Variants in GRID2 observed in about 807,000 individuals in gnomAD.
GRID2 encodes the protein glutamate receptor ionotropic, delta-2.
GRID2 carries 33 observed loss-of-function variants against 114.8 expected under a neutral mutation model. The ratio of observed to expected loss-of-function variants is 0.29; its 90% CI spans 0.22 to 0.38. The LOEUF (loss-of-function observed/expected upper bound fraction) is 0.38. Ranked by LOEUF, GRID2 falls within the 10% of genes least tolerant of loss-of-function variation. GRID2 has a pLI of 1.00. For missense variants in GRID2, 1,184 were observed against 1,257.7 expected, an observed-to-expected ratio of 0.94 and a Z score of 0.89; for synonymous variants, 505 against 449.9, an observed-to-expected ratio of 1.12 and a Z score of -1.55.
At chr4:93,075,536 CT>C (rs1729187220) in intron 2 of GRID2, among the ~76,000 whole-genome samples, 1 of 151,980 alleles carries the variant, frequency 6.6e-6, no homozygotes, top group Admixed American at 6.6e-5. Flanking sequence ...GTAAAATTGC[CT>C]TTATTTGCAG....
chr4:92,934,345 T>G (rs1463425046), intron 2 of GRID2, among the ~76,000 whole-genome samples: 4 of 151,724 alleles, frequency 2.6e-5, no homozygotes, highest in African/African-American at 9.7e-5. Context: ...GTTATTGGTG[T>G]ATAAGAATGC....
At chr4:93,468,563 TG>T (rs1024495559) in intron 11 of GRID2, among the ~76,000 whole-genome samples, 2 of 152,082 alleles carry the variant, frequency 1.3e-5, no homozygotes, top group African/African-American at 4.8e-5. Context: ...GATAGATATC[TG>T]GAGGAAAGAT....
chr4:93,229,698 G>T (rs1247113297), intron 7 of GRID2, among the ~76,000 whole-genome samples: 1 of 152,068 alleles, frequency 6.6e-6, no homozygotes, highest in Non-Finnish European at 1.5e-5. Flanking sequence ...AAGAGAACAA[G>T]TTTCTCTCCC....
At chr4:92,910,464 A>G (rs1439950571) in intron 2 of GRID2, among the ~76,000 whole-genome samples, 3 of 152,174 alleles carry the variant, frequency 2.0e-5, no homozygotes, top group South Asian at 2.1e-4. Flanking sequence ...ACATGATTTT[A>G]TTTGATTTAA....
intron 14 of GRID2, among the ~76,000 whole-genome samples, chr4:93,678,838 G>C: frequency 1.3e-5 from 2 of 150,932 alleles, no homozygotes; most frequent in South Asian, 4.2e-4. Flanking sequence ...AAAATGTAAA[G>C]ACCATCGAGA....
At chr4:93,020,254 A>G (rs1723152526) in intron 2 of GRID2, among the ~76,000 whole-genome samples, 1 of 152,184 alleles carries the variant, frequency 6.6e-6, no homozygotes, top group Admixed American at 6.5e-5. Context: ...TGGTCTATGA[A>G]TTTACCAAGG....
rs189221127 is a variant in GRID2, at chr4:92,824,987, A to T, written c.244+234701A>T. Among the ~76,000 whole-genome samples the T allele has an allele frequency of 7.2e-3, 853 of 118,790 alleles. 14 individuals are homozygous for T. The highest frequency in any genetic ancestry group is 0.021 in the African/African-American group (806 of 39,006). 77.9% of individuals were successfully genotyped at this position (118,790 alleles called of 152,430 possible). ...TATTTTTCATATCCACAAATTTCTT[A>T]AAAAAAAGGTATTAACATGTATCCC... On this transcript the variant is annotated intron_variant, in intron 2 of 15. Coordinates refer to ENST00000282020, the MANE Select transcript of GRID2 (RefSeq NM_001510.4).
chr4:92,981,340 C>T (rs1168456035), intron 2 of GRID2, among the ~76,000 whole-genome samples: 1 of 152,004 alleles, frequency 6.6e-6, no homozygotes, highest in Non-Finnish European at 1.5e-5. Flanking sequence ...ATAATAACCA[C>T]TCTGTTCCTT....
intron 1 of GRID2, among the ~76,000 whole-genome samples, chr4:92,411,863 G>A (rs1266763022): frequency 6.6e-6 from 1 of 150,996 alleles, no homozygotes; most frequent in Non-Finnish European, 1.5e-5. Context: ...CCGCCACCAC[G>A]CCCGGCTAAT....
intron 14 of GRID2, among the ~76,000 whole-genome samples, chr4:93,634,469 C>T (rs952617598): frequency 2.6e-5 from 4 of 152,148 alleles, no homozygotes; most frequent in Non-Finnish European, 5.9e-5. Flanking sequence ...ACACTAAACA[C>T]TTGATATGTT....
intron 14 of GRID2, among the ~76,000 whole-genome samples, chr4:93,724,719 C>G (rs11932599): frequency 0.067 from 10,159 of 151,942 alleles, 1,133 homozygotes; most frequent in African/African-American, 0.23. Context: ...TGATGGTGTC[C>G]CCTACTAGTT....
At chr4:93,157,472 A>G (rs1239340721) in intron 4 of GRID2, among the ~76,000 whole-genome samples, 2 of 151,798 alleles carry the variant, frequency 1.3e-5, no homozygotes, top group African/African-American at 2.4e-5. Context: ...ATATGAGAGC[A>G]TGTAACTCAC....
chr4:93,558,438 A>G (rs1321514136), intron 13 of GRID2, among the ~76,000 whole-genome samples: 4 of 152,206 alleles, frequency 2.6e-5, no homozygotes, highest in Non-Finnish European at 4.4e-5. Context: ...ACAAACTACC[A>G]TCAGAGAATA....
Position 92,565,088 on chromosome 4 carries a change from A to C in GRID2, c.89-25043A>C, listed in dbSNP as rs558734197. Among the ~76,000 whole-genome samples, 232 of 152,128 alleles carry C rather than the reference A, an allele frequency of 1.5e-3. 1 individual carries two copies. Among genetic ancestry groups the C allele is most frequent in the African/African-American group, 5.2e-3 (216 of 41,556 alleles). Reference sequence around the variant, plus strand: ...GCATACAGTTTTGGCAAGTCACCTCACTTGGGTACTAATTACTTCTGGGTA... The same window carrying C: ...GCATACAGTTTTGGCAAGTCACCTCCCTTGGGTACTAATTACTTCTGGGTA... On this transcript the variant is annotated intron_variant, in intron 1 of 15. Transcript: ENST00000282020.
intron 2 of GRID2, among the ~76,000 whole-genome samples, chr4:92,640,991 AAAG>A (rs1560505140): frequency 2.6e-5 from 4 of 151,934 alleles, no homozygotes; most frequent in South Asian, 2.1e-4. Flanking sequence ...AATAGGAAGA[AAAG>A]AAGGAAGGAA....
chr4:93,093,563 A>G (rs1251304195), intron 3 of GRID2, among the ~76,000 whole-genome samples: 1 of 152,060 alleles, frequency 6.6e-6, no homozygotes, highest in African/African-American at 2.4e-5. Flanking sequence ...TTATATACTC[A>G]ATGTAGGAAG....
intron 11 of GRID2, among the ~76,000 whole-genome samples, chr4:93,465,288 A>G (rs1724159565): frequency 6.6e-6 from 1 of 152,262 alleles, no homozygotes; most frequent in Non-Finnish European, 1.5e-5. Context: ...AAAGGAAGAA[A>G]GAAATTGTTC....
At chr4:93,289,257 T>C (rs1352459834) in intron 8 of GRID2, among the ~76,000 whole-genome samples, 1 of 152,204 alleles carries the variant, frequency 6.6e-6, no homozygotes, top group African/African-American at 2.4e-5. Context: ...ATTATCATAC[T>C]GACTATCAAA....
chr4:93,270,215 T>TACACACACACACACAC (rs34945534), intron 8 of GRID2, among the ~76,000 whole-genome samples: 4 of 137,088 alleles, frequency 2.9e-5, no homozygotes, highest in South Asian at 2.4e-4. Flanking sequence ...CACACACACA[T>TACACACACACACACAC]ACACACACAC....
Sources: allele counts gnomAD v4.1 joint callset (sites outside exome capture counted in the v4.1 genomes callset), GRCh38; gene constraint gnomAD v4.1.1; transcripts MANE v1.5; gene names NCBI Gene and HGNC (gene_info 2026-07-23, HGNC 2026-07-21).